The following JKAMP variants were observed in gnomAD, a reference collection of about 807,000 sequenced individuals.
The protein encoded by JKAMP is JNK1/MAPK8-associated membrane protein.
In JKAMP, 20 loss-of-function variants were observed where a neutral mutation model predicts 40.2. That is an observed-to-expected ratio of 0.50 (90% CI 0.35 to 0.72). The LOEUF (loss-of-function observed/expected upper bound fraction) is 0.72. Among genes scored for constraint, JKAMP ranks in the 30% least tolerant of loss-of-function variants. JKAMP has a pLI of 0.01. For synonymous variants in JKAMP, 138 were observed against 131.6 expected, an observed-to-expected ratio of 1.05 and a Z score of -0.33; for missense variants, 276 against 373.0, an observed-to-expected ratio of 0.74 and a Z score of 2.14.
chr14:59,489,314 C>A (rs770646365), intron 3 of JKAMP, among the ~76,000 whole-genome samples: 3 of 152,192 alleles, frequency 2.0e-5, no homozygotes, highest in Admixed American at 6.5e-5. Flanking sequence ...CACTAGATAC[C>A]CTAAGTCATC....
In JKAMP at chr14:59,502,773, T is replaced by TTTTTTTTG. The variant is rs796697193; in HGVS notation, c.718-1081_718-1080insTTTTTTTG. ...AGATTTTTTTTTTTTTTTTTTTTTTTCGGAGTCTCACTCTGTCGCTTAGGC... is the reference window on the plus strand; with the variant it reads ...AGATTTTTTTTTTTTTTTTTTTTTTTTTTTTTTGCGGAGTCTCACTCTGTCGCTTAGGC... On this transcript the variant is annotated intron_variant, in intron 6 of 6. Coordinates refer to ENST00000616435, the MANE Select transcript of JKAMP (RefSeq NM_016475.5). 4.2e-3 allele frequency among the ~76,000 whole-genome samples: 435 copies of TTTTTTTTG among 102,786 alleles called. 29 individuals are homozygous for TTTTTTTTG. Among genetic ancestry groups the TTTTTTTTG allele is most frequent in the African/African-American group, 7.4e-3 (190 of 25,774 alleles). The allele number at this position is 102,786 out of a possible 152,430, so 67.4% of individuals were successfully genotyped here.
intron 1 of JKAMP, chr14:59,485,065 A>C: frequency 6.3e-7 from 1 of 1,598,474 alleles, no homozygotes; most frequent in Non-Finnish European, 8.5e-7. Flanking sequence ...TCGTTCGCTA[A>C]AGGAAATGAA....
chr14:59,486,880 T>G, intron 2 of JKAMP, 76 bp downstream of exon 2: 1 of 1,011,000 alleles, frequency 9.9e-7, no homozygotes, highest in African/African-American at 1.6e-5. Context: ...TACAACATTT[T>G]TTGTTATTAT....
At chr14:59,502,773 T>TTTTTTTTTTTTTTTTTTTTTTTTTTTTG (rs796697193) in intron 6 of JKAMP, among the ~76,000 whole-genome samples, 1 of 102,836 alleles carries the variant, frequency 9.7e-6, no homozygotes, top group Non-Finnish European at 1.8e-5. Context: ...TTTTTTTTTT[T>TTTTTTTTTTTTTTTTTTTTTTTTTTTTG]CGGAGTCTCA....
At chr14:59,500,981 G>C in intron 5 of JKAMP, 1 of 498,176 alleles carries the variant, frequency 2.0e-6, no homozygotes. Flanking sequence ...GGGTAATCGA[G>C]ACAGAGAAAT....
rs1430823675 is a variant in JKAMP at position 59,484,755 on chromosome 14, G to C, written c.4+162G>C. ...CGGGCCGGGCTCCGCACTCCTGCGG[G>C]GTTGGGGTGGTCTGTCCGCAACGGG... On this transcript the variant is annotated intron_variant, in intron 1 of 6. Transcript: ENST00000616435. 3 of 1,000,764 alleles carry C rather than the reference G, an allele frequency of 3.0e-6. No individual in the cohort carries two copies. The African/African-American group carries it at 4.9e-5, about 16-fold the overall frequency. The allele number at this position is 1,000,764 out of a possible 1,614,324, so 62.0% of individuals were successfully genotyped here.
intron 3 of JKAMP, among the ~76,000 whole-genome samples, chr14:59,490,185 G>A (rs1029489536): frequency 4.6e-5 from 7 of 152,132 alleles, no homozygotes; most frequent in African/African-American, 1.7e-4. Context: ...GCCTCCCAAA[G>A]TGCTGGGATT....
intron 3 of JKAMP, among the ~76,000 whole-genome samples, chr14:59,493,844 G>T (rs2139883469): frequency 6.6e-6 from 1 of 152,220 alleles, no homozygotes; most frequent in East Asian, 1.9e-4. Context: ...TCTGGCTCAG[G>T]AATAGATAAA....
rs199521684 is a variant in JKAMP at position 59,484,575 on chromosome 14, A to C, written c.-15A>C. 8.0e-4 allele frequency: 1,255 copies of C among 1,574,110 alleles called. 11 individuals carry two copies. The highest frequency in any genetic ancestry group is 4.0e-3 in the Middle Eastern group (24 of 6,014). On this transcript the variant is annotated 5_prime_UTR_variant, in exon 1 of 7. Transcript: ENST00000616435. ...GCTGATCTAGTGCTTCTCGAAAAAA[A>C]CCTTCAGGCGGCCCATGGGTGAGTG...
In JKAMP at chr14:59,498,751, C is replaced by A; in HGVS notation, c.483C>A (p.Tyr161Ter). The change falls in exon 5 of 7, where the codon TAC becomes TAA. Residue 161 changes from tyrosine (Y) to a stop codon, truncating the protein, a stop_gained. Coordinates refer to ENST00000616435, the MANE Select transcript of JKAMP (RefSeq NM_016475.5). LOFTEE classifies it high-confidence loss of function. ...YPLYTIVFIY[Y>*]AFCLVLMMLL... The stretch of plus-strand genomic sequence containing the variant: ...GATATACCATTGTATTTATCTATTA[C>A]GCATTCTGCTTGGTATTAATGATGC... 1 of 1,570,188 alleles carries A rather than the reference C, an allele frequency of 6.4e-7. No homozygotes were observed. The highest frequency in any genetic ancestry group is 8.7e-7 in the Non-Finnish European group (1 of 1,146,422).
intron 1 of JKAMP, among the ~76,000 whole-genome samples, chr14:59,486,354 C>T (rs918572912): frequency 6.6e-6 from 1 of 152,090 alleles, no homozygotes; most frequent in African/African-American, 2.4e-5. Context: ...AGGTGGTGAC[C>T]CTCTACTGGT....
Position 59,486,706 on chromosome 14 carries a change from T to C in JKAMP, c.5-7T>C. ...ATGTTACTATACTGGCATTTGTTTT[T>C]AAAAAGCTGTCGATATTCAACCAGC... On this transcript the variant is annotated splice_region_variant and splice_polypyrimidine_tract_variant and intron_variant, in intron 1 of 6. Transcript: ENST00000616435. 2 of 1,566,900 alleles carry C rather than the reference T, an allele frequency of 1.3e-6. No individual in the cohort carries two copies. Among genetic ancestry groups the C allele is most frequent in the Non-Finnish European group, 1.7e-6 (2 of 1,152,430 alleles).
intron 3 of JKAMP, 84 bp downstream of exon 3, chr14:59,487,912 T>C: frequency 8.0e-7 from 1 of 1,247,318 alleles, no homozygotes; most frequent in South Asian, 1.3e-5. Context: ...TAATTATGCT[T>C]CTTCTGTTTT....
At chr14:59,491,294 G>T (rs1173969196) in intron 3 of JKAMP, among the ~76,000 whole-genome samples, 2 of 152,108 alleles carry the variant, frequency 1.3e-5, no homozygotes, top group Admixed American at 6.5e-5. Context: ...TAGAGAAGAC[G>T]ATGCTGGTGG....
chr14:59,499,755 G>T (rs775179270), intron 5 of JKAMP, among the ~76,000 whole-genome samples: 5 of 152,278 alleles, frequency 3.3e-5, no homozygotes, highest in Admixed American at 2.0e-4. Context: ...GGGCTTGAGG[G>T]TAAGACCAAG....
chr14:59,490,860 G>A (rs891466297), intron 3 of JKAMP, among the ~76,000 whole-genome samples: 2 of 152,174 alleles, frequency 1.3e-5, no homozygotes, highest in African/African-American at 2.4e-5. Flanking sequence ...AGAGCTAACA[G>A]GCATAGGTAT....
chr14:59,496,666 C>G (rs1165941537), intron 4 of JKAMP, among the ~76,000 whole-genome samples: 1 of 152,132 alleles, frequency 6.6e-6, no homozygotes, highest in African/African-American at 2.4e-5. Flanking sequence ...TGAGTGTAGC[C>G]TAAGAATCTT....
chr14:59,498,684 T>C, intron 4 of JKAMP, 43 bp from the exon 5 acceptor site: 1 of 1,097,132 alleles, frequency 9.1e-7, no homozygotes, highest in Non-Finnish European at 1.3e-6. Flanking sequence ...AAAACATTTT[T>C]AAAACATTTT....
rs1891854761 is a variant in JKAMP, at chr14:59,501,234, T to C, written c.684T>C (p.Thr228=). Residue 228 remains threonine (T), a synonymous_variant, in exon 6 of 7, where the codon ACT becomes ACC. Transcript: ENST00000616435. ...PYIILVLSLV[T]LAVYMSASEI... ...TTATATTAGTGTTATCTTTGGTTAC[T>C]CTGGCTGTGTACATGTCTGCTTCTG... is the stretch of plus-strand genomic sequence containing the variant. 5 of 1,605,292 alleles carry C rather than the reference T, an allele frequency of 3.1e-6. No individual in the cohort carries two copies. The South Asian group carries it at 4.4e-5, about 14-fold the overall frequency.
Sources: allele counts gnomAD v4.1 joint callset (sites outside exome capture counted in the v4.1 genomes callset), GRCh38; gene constraint gnomAD v4.1.1; transcripts MANE v1.5; gene names NCBI Gene and HGNC (gene_info 2026-07-23, HGNC 2026-07-21).